Variants in LUC7L observed in about 807,000 individuals in gnomAD.
LUC7L encodes the protein LUC7 like.
LUC7L carries 29 observed loss-of-function variants against 51.1 expected under a neutral mutation model. That is an observed-to-expected ratio of 0.57 (90% CI 0.42 to 0.77). LUC7L has a LOEUF of 0.77. Ranked by LOEUF, LUC7L falls within the 30% of genes least tolerant of loss-of-function variation. LUC7L has a pLI of 0.00. For synonymous variants in LUC7L, 181 were observed against 180.7 expected (o/e 1.00, Z -0.01); for missense variants, 403 against 511.9 (o/e 0.79, Z 2.05).
chr16:229,055 C>T, intron 1 of LUC7L: 1 of 1,419,716 alleles, frequency 7.0e-7, no homozygotes, highest in South Asian at 1.5e-5. Flanking sequence ...AAGCCCCATC[C>T]ATGGCGCAGA....
chr16:193,828 G>A (rs1319530676), intron 6 of LUC7L, among the ~76,000 whole-genome samples: 4 of 147,226 alleles, frequency 2.7e-5, no homozygotes, highest in Admixed American at 1.3e-4. Context: ...TTTTGAGACG[G>A]AGTCTCGCTC....
At position 199,112 on chromosome 16, in the gene LUC7L, T is replaced by G. The variant is rs1394288137; in HGVS notation, c.637A>C (p.Lys213Gln). 6.2e-7 allele frequency: 1 copy of G among 1,613,444 alleles called. No homozygotes were observed. Among genetic ancestry groups the G allele is most frequent in the African/African-American group, 1.3e-5 (1 of 74,906 alleles). ...DRRLADHFGG[K>Q]LHLGFIQIRE... ...ATCTGAATGAACCCCAAGTGTAACT[T>G]GCCACCGAAGTGGTCTGCCAGGCGA... is the stretch of plus-strand genomic sequence containing the variant. The change falls in exon 6 of 10, where the codon AAG becomes CAG. Residue 213 changes from lysine (K) to glutamine (Q), a missense_variant. This residue lies in a region of LUC7L where 15 missense variants were observed against 45.2 expected (regional missense o/e 0.33). Transcript: ENST00000293872.
chr16:229,103 T>C (rs1218204240), intron 1 of LUC7L, 176 bp downstream of exon 1: 6 of 1,413,186 alleles, frequency 4.2e-6, no homozygotes, highest in Admixed American at 3.1e-5. Context: ...CACGGCCGCC[T>C]CAGAGACGCA....
intron 2 of LUC7L, 30 bp downstream of exon 2, chr16:227,212 G>C (rs775573397): frequency 6.4e-7 from 1 of 1,557,780 alleles, no homozygotes; most frequent in Non-Finnish European, 8.8e-7. Flanking sequence ...ATGTCAGAGT[G>C]TTCCATGAGG....
At chr16:205,948 TC>T in intron 5 of LUC7L, 55 bp downstream of exon 5, 1 of 1,570,032 alleles carries the variant, frequency 6.4e-7, no homozygotes, top group Non-Finnish European at 8.6e-7. Flanking sequence ...ATTCCAACGG[TC>T]AACGCTGCCA....
intron 9 of LUC7L, chr16:189,684 T>A (rs1596585116): frequency 1.5e-6 from 2 of 1,340,028 alleles, no homozygotes; most frequent in Admixed American, 3.3e-5. Context: ...CAGGGCCTGG[T>A]CAGGACACAA....
intron 9 of LUC7L, 33 bp downstream of exon 9, chr16:189,935 G>C: frequency 1.3e-6 from 2 of 1,589,128 alleles, no homozygotes; most frequent in Middle Eastern, 1.7e-4. Flanking sequence ...GCTCACTCCT[G>C]GTTGCAGCTA....
intron 5 of LUC7L, among the ~76,000 whole-genome samples, chr16:202,171 T>C (rs1283793774): frequency 2.0e-5 from 3 of 152,070 alleles, no homozygotes; most frequent in African/African-American, 7.2e-5. Context: ...TGAGCCACCA[T>C]ACCCACCCTC....
chr16:196,406 TCAAA>T (rs551017983), intron 6 of LUC7L, among the ~76,000 whole-genome samples: 12 of 149,864 alleles, frequency 8.0e-5, no homozygotes, highest in African/African-American at 2.5e-4. Flanking sequence ...AGACCCTGCC[TCAAA>T]CAAACAAACA....
At position 193,111 on chromosome 16, in the gene LUC7L, G is replaced by A. The variant is rs529626250; in HGVS notation, c.688-96C>T. ...TCACCTTTATATGAGCTCAGTATTG[G>A]TAATTTAAAAATTGAAGGGACACTT... On this transcript the variant is annotated intron_variant, in intron 6 of 9. Transcript: ENST00000293872. 3.7e-4 allele frequency: 352 copies of A among 964,318 alleles called. 1 individual carries two copies. The South Asian group carries it at 4.4e-3, about 12-fold the overall frequency. 59.7% of individuals were successfully genotyped at this position (964,318 alleles called of 1,614,324 possible).
At chr16:189,752 G>T in intron 9 of LUC7L, 1 of 1,395,520 alleles carries the variant, frequency 7.2e-7, no homozygotes, top group Non-Finnish European at 9.3e-7. Context: ...CGCAGGCAGG[G>T]GACAGTGCCT....
intron 2 of LUC7L, among the ~76,000 whole-genome samples, chr16:226,861 C>T (rs2050145021): frequency 6.6e-6 from 1 of 152,116 alleles, no homozygotes; most frequent in Admixed American, 6.6e-5. Flanking sequence ...AAAATCCTAC[C>T]AAATGAATAG....
intron 7 of LUC7L, 70 bp from the exon 8 acceptor site, chr16:190,640 G>A: frequency 1.4e-6 from 2 of 1,438,484 alleles, no homozygotes; most frequent in Non-Finnish European, 2.0e-6. Flanking sequence ...AGCACTTCGG[G>A]GAGGCCTAGG....
intron 2 of LUC7L, among the ~76,000 whole-genome samples, chr16:221,208 TTTTTTTTTG>T (rs2049958774): frequency 7.6e-6 from 1 of 131,990 alleles, no homozygotes; most frequent in Admixed American, 7.7e-5. Flanking sequence ...TTTTTTTTTT[TTTTTTTTTG>T]TATTTTCAGT....
At chr16:200,568 T>G (rs996809467) in intron 5 of LUC7L, among the ~76,000 whole-genome samples, 12 of 147,590 alleles carry the variant, frequency 8.1e-5, no homozygotes, top group Admixed American at 6.8e-5. Flanking sequence ...AGAGGAAAAC[T>G]CCAAAAAGGA....
At chr16:193,825 A>G (rs1244956278) in intron 6 of LUC7L, among the ~76,000 whole-genome samples, 3 of 130,992 alleles carry the variant, frequency 2.3e-5, no homozygotes, top group Non-Finnish European at 4.8e-5. Flanking sequence ...TTTTTTTGAG[A>G]CGGAGTCTCG....
intron 4 of LUC7L, among the ~76,000 whole-genome samples, chr16:206,865 C>G (rs1255832626): frequency 7.2e-6 from 1 of 139,042 alleles, no homozygotes; most frequent in Non-Finnish European, 1.5e-5. Context: ...TCCAGACCAG[C>G]TTGGGCAACA....
intron 3 of LUC7L, among the ~76,000 whole-genome samples, chr16:212,286 T>G (rs565343538): frequency 2.0e-4 from 31 of 151,970 alleles, no homozygotes; most frequent in African/African-American, 7.2e-4. Context: ...AGAGCGAAAC[T>G]CCATCTCAAA....
chr16:225,691 AT>A (rs1287473601), intron 2 of LUC7L, among the ~76,000 whole-genome samples: 3 of 150,450 alleles, frequency 2.0e-5, no homozygotes, highest in Non-Finnish European at 4.4e-5. Context: ...ATCTATGTTG[AT>A]CAGGCTGGTC....
Sources: gnomAD v4.1 joint callset for allele counts (sites outside exome capture counted in the v4.1 genomes callset) on GRCh38, gnomAD v4.1.1 for gene constraint, gnomAD v4.1.1 regional missense constraint, MANE v1.5 for transcripts, NCBI Gene and HGNC (gene_info 2026-07-23, HGNC 2026-07-21) for gene names.